DLG2: variants seen among roughly 807,000 people sequenced by gnomAD.
The protein encoded by DLG2 is disks large homolog 2.
In DLG2, 45 loss-of-function variants were observed where a neutral mutation model predicts 132.5. The ratio of observed to expected loss-of-function variants is 0.34; its 90% confidence interval spans 0.27 to 0.44. The LOEUF (loss-of-function observed/expected upper bound fraction) is 0.44. Ranked by LOEUF, DLG2 falls within the 20% of genes least tolerant of loss-of-function variation. The probability of loss-of-function intolerance (pLI) is 1.00; values close to 1 mark genes in which losing one functional copy is unlikely to be tolerated. For synonymous variants in DLG2, 424 were observed against 419.6 expected, an observed-to-expected ratio of 1.01 and a Z score of -0.13; for missense variants, 1,045 against 1,196.9, an observed-to-expected ratio of 0.87 and a Z score of 1.87.
chr11:83,974,180 C>T (rs756608277), intron 12 of DLG2, among the ~76,000 whole-genome samples: 56 of 152,160 alleles, frequency 3.7e-4, no homozygotes, highest in Middle Eastern at 3.4e-3. Context: ...TATGCTTTAA[C>T]ATCCCATTCA....
chr11:84,545,433 C>A, intron 6 of DLG2: 1 of 462,038 alleles, frequency 2.2e-6, no homozygotes, highest in Non-Finnish European at 4.2e-6. Flanking sequence ...ACTGAAGATT[C>A]CTCCACAATC....
intron 6 of DLG2, among the ~76,000 whole-genome samples, chr11:85,109,381 G>C (rs1404760406): frequency 6.6e-6 from 1 of 152,094 alleles, no homozygotes; most frequent in East Asian, 1.9e-4. Flanking sequence ...CTGAGAATAA[G>C]ACTTTAATGC....
chr11:84,062,489 A>G (rs568922901), intron 10 of DLG2, among the ~76,000 whole-genome samples: 1 of 152,292 alleles, frequency 6.6e-6, no homozygotes, highest in South Asian at 2.1e-4. Context: ...GTATTTGTTC[A>G]AATGTGAACA....
chr11:84,707,476 G>T (rs1299432726), intron 6 of DLG2, among the ~76,000 whole-genome samples: 1 of 151,692 alleles, frequency 6.6e-6, no homozygotes, highest in Non-Finnish European at 1.5e-5. Context: ...GTAATATCCA[G>T]GTCCTGGACT....
intron 6 of DLG2, among the ~76,000 whole-genome samples, chr11:85,111,259 G>C (rs905499273): frequency 3.3e-5 from 5 of 152,122 alleles, no homozygotes; most frequent in African/African-American, 4.8e-5. Flanking sequence ...CTTGAAAATT[G>C]CAAGTTGGTG....
chr11:85,073,107 A>C (rs1317375437), intron 6 of DLG2, among the ~76,000 whole-genome samples: 3 of 151,906 alleles, frequency 2.0e-5, no homozygotes. Flanking sequence ...ACATATTTCA[A>C]AATTTTAAAA....
intron 15 of DLG2, among the ~76,000 whole-genome samples, chr11:83,917,786 T>C (rs945197198): frequency 1.3e-5 from 2 of 152,232 alleles, no homozygotes; most frequent in African/African-American, 4.8e-5. Flanking sequence ...CGTGCTCATG[T>C]GTCACATGAT....
chr11:85,407,887 C>T (rs1455459454), intron 3 of DLG2, among the ~76,000 whole-genome samples: 1 of 151,544 alleles, frequency 6.6e-6, no homozygotes, highest in Non-Finnish European at 1.5e-5. Context: ...TTCTGCGGTT[C>T]TTGAAAAAGC....
At chr11:83,754,133 C>A (rs2093549984) in intron 18 of DLG2, among the ~76,000 whole-genome samples, 1 of 150,010 alleles carries the variant, frequency 6.7e-6, no homozygotes, top group Non-Finnish European at 1.5e-5. Context: ...CCTGAATTAT[C>A]CAAATAATGA....
intron 11 of DLG2, among the ~76,000 whole-genome samples, chr11:84,012,326 T>C (rs2094932315): frequency 6.6e-6 from 1 of 152,150 alleles, no homozygotes; most frequent in Non-Finnish European, 1.5e-5. Flanking sequence ...ATCCTGATTT[T>C]TGGCAAGAAA....
intron 16 of DLG2, among the ~76,000 whole-genome samples, chr11:83,847,512 A>G (rs2058848300): frequency 6.6e-6 from 1 of 152,192 alleles, no homozygotes; most frequent in Non-Finnish European, 1.5e-5. Context: ...GTTTTATCTT[A>G]ACTCTGATTT....
intron 4 of DLG2, among the ~76,000 whole-genome samples, chr11:85,184,578 A>T (rs914927844): frequency 6.6e-6 from 1 of 151,836 alleles, no homozygotes; most frequent in Non-Finnish European, 1.5e-5. Context: ...AGAACTGCCC[A>T]TTTCCCTCAT....
intron 3 of DLG2, among the ~76,000 whole-genome samples, chr11:85,503,953 G>A (rs1339843374): frequency 1.3e-5 from 2 of 151,102 alleles, no homozygotes; most frequent in Admixed American, 6.6e-5. Context: ...GGAGGAGGAG[G>A]AGGGACAGTG....
chr11:84,725,670 G>GACCAATCTAGTTAACTTATCTAA (rs2062361567), intron 6 of DLG2, among the ~76,000 whole-genome samples: 1 of 152,040 alleles, frequency 6.6e-6, no homozygotes, highest in African/African-American at 2.4e-5. Flanking sequence ...ACAAATGATT[G>GACCAATCTAGTTAACTTATCTAA]ACCAATCTAG....
chr11:85,616,886 T>A (rs2081374375), intron 2 of DLG2, among the ~76,000 whole-genome samples: 1 of 152,092 alleles, frequency 6.6e-6, no homozygotes, highest in South Asian at 2.1e-4. Context: ...GACTCGGACA[T>A]ATCAAATATC....
At chr11:85,166,002 TTGTGGTCCCCAG>T (rs2078413990) in intron 4 of DLG2, among the ~76,000 whole-genome samples, 1 of 152,162 alleles carries the variant, frequency 6.6e-6, no homozygotes, top group Non-Finnish European at 1.5e-5. Flanking sequence ...TCCTTTCAAA[TTGTGGTCCCCAG>T]ACCAGCAGCA....
At chr11:83,862,971 C>T (rs1234327805) in intron 16 of DLG2, among the ~76,000 whole-genome samples, 2 of 151,982 alleles carry the variant, frequency 1.3e-5, no homozygotes, top group African/African-American at 2.4e-5. Context: ...TGCACTCAGT[C>T]GAGAGAAACT....
chr11:84,692,066 A>G (rs1331062083), intron 6 of DLG2, among the ~76,000 whole-genome samples: 1 of 151,624 alleles, frequency 6.6e-6, no homozygotes, highest in Non-Finnish European at 1.5e-5. Flanking sequence ...TTTCTCCACC[A>G]CCAGACCAGA....
chr11:83,886,585 G>T (rs1455688610), intron 15 of DLG2, among the ~76,000 whole-genome samples: 1 of 151,964 alleles, frequency 6.6e-6, no homozygotes, highest in Non-Finnish European at 1.5e-5. Flanking sequence ...ACTCAGCTCT[G>T]CACCAAGCAG....
Sources: allele counts gnomAD v4.1 joint callset (sites outside exome capture counted in the v4.1 genomes callset), GRCh38; gene constraint gnomAD v4.1.1; transcripts MANE v1.5; gene names NCBI Gene and HGNC (gene_info 2026-07-23, HGNC 2026-07-21).